Variants in GPR161 observed in about 807,000 individuals in gnomAD.
The protein encoded by GPR161 is G protein-coupled receptor 161.
Under a neutral mutation model 39.2 loss-of-function variants are expected in GPR161, and 25 were observed. The observed-to-expected ratio is 0.64, with a 90% CI of 0.47 to 0.89. The LOEUF (loss-of-function observed/expected upper bound fraction) is 0.89. Ranked by LOEUF, GPR161 falls within the 40% of genes least tolerant of loss-of-function variation. GPR161 has a pLI of 0.00. For missense variants in GPR161, 547 were observed against 677.8 expected (o/e 0.81, Z 2.14); for synonymous variants, 286 against 276.6 (o/e 1.03, Z -0.34).
At chr1:168,119,591 C>T (rs774275876) in intron 1 of GPR161, among the ~76,000 whole-genome samples, 6 of 151,912 alleles carry the variant, frequency 3.9e-5, no homozygotes, top group East Asian at 1.9e-4. Flanking sequence ...GATGGCTGCA[C>T]GACAATATGA....
At chr1:168,136,510 C>T in intron 1 of GPR161, 1 of 1,259,570 alleles carries the variant, frequency 7.9e-7, no homozygotes, top group Non-Finnish European at 1.0e-6. Flanking sequence ...GGCGCGCCCC[C>T]AACATCTTCC....
chr1:168,092,830 T>C (rs1013854813), intron 3 of GPR161, among the ~76,000 whole-genome samples: 10 of 152,172 alleles, frequency 6.6e-5, no homozygotes, highest in African/African-American at 2.4e-4. Flanking sequence ...TGTTTTCCCC[T>C]GGACAAACGT....
intron 1 of GPR161, among the ~76,000 whole-genome samples, chr1:168,124,285 C>G (rs1558135699): frequency 6.6e-6 from 1 of 152,172 alleles, no homozygotes. Context: ...AATGCACTAA[C>G]ACTCAAGCTA....
chr1:168,119,247 T>C (rs572960084), intron 1 of GPR161, among the ~76,000 whole-genome samples: 1,469 of 121,756 alleles, frequency 0.012, 99 homozygotes, highest in Non-Finnish European at 0.019. Flanking sequence ...TATATACACA[T>C]ATATATATAC....
At chr1:168,136,932 A>T, upstream of GPR161, 1 of 965,696 alleles carries the variant, frequency 1.0e-6, no homozygotes, top group Non-Finnish European at 1.2e-6. Flanking sequence ...AGGCCAAGTA[A>T]CTTTGCGGCG....
intron 1 of GPR161, 110 bp from the exon 2 acceptor site, chr1:168,105,004 C>G: frequency 2.7e-6 from 2 of 752,452 alleles, no homozygotes; most frequent in Non-Finnish European, 4.3e-6. Context: ...CTCAGATCAC[C>G]CAGCTAGTAC....
chr1:168,111,964 GA>G (rs34684224), intron 1 of GPR161, among the ~76,000 whole-genome samples: 48,072 of 123,716 alleles, frequency 0.39, 8,007 homozygotes, highest in Admixed American at 0.51. Context: ...CTCTTCAACA[GA>G]AAAAAAAAAA....
chr1:168,107,199 A>T (rs936251350), intron 1 of GPR161, among the ~76,000 whole-genome samples: 1 of 152,190 alleles, frequency 6.6e-6, no homozygotes, highest in African/African-American at 2.4e-5. Context: ...CCTCATCTGT[A>T]AAGAACTAGT....
chr1:168,111,233 T>C (rs1697142368), intron 1 of GPR161, among the ~76,000 whole-genome samples: 1 of 152,130 alleles, frequency 6.6e-6, no homozygotes, highest in South Asian at 2.1e-4. Flanking sequence ...CATTCTCAGT[T>C]TTTTCTTAAC....
chr1:168,099,847 G>C lies in GPR161; in HGVS notation c.375-2615C>G, dbSNP rs907929541. ...TTAAGTTTTTTTTTTGGGGGGGGGG[G>C]GTTGGTGTGGATAAAATGTATGTAC... On this transcript the variant is annotated intron_variant, in intron 2 of 5. Transcript: ENST00000682931. 1.7e-3 allele frequency among the ~76,000 whole-genome samples: 241 copies of C among 141,504 alleles called. 3 individuals are homozygous for C. Among genetic ancestry groups the C allele is most frequent in the Non-Finnish European group, 3.3e-3 (211 of 64,676 alleles). 92.8% of individuals were successfully genotyped at this position (141,504 alleles called of 152,430 possible).
At chr1:168,124,923 G>T (rs182307869) in intron 1 of GPR161, among the ~76,000 whole-genome samples, 2 of 152,104 alleles carry the variant, frequency 1.3e-5, no homozygotes, top group African/African-American at 2.4e-5. Flanking sequence ...AGATGCTGGC[G>T]CCATGACTCT....
chr1:168,135,073 G>T (rs1287485195), intron 1 of GPR161: 1 of 1,472,224 alleles, frequency 6.8e-7, no homozygotes, highest in African/African-American at 1.4e-5. Context: ...TATCGTTGCG[G>T]CCTTGGATTA....
chr1:168,094,377 A>T (rs771578102), intron 3 of GPR161, among the ~76,000 whole-genome samples: 1 of 152,186 alleles, frequency 6.6e-6, no homozygotes, highest in Non-Finnish European at 1.5e-5. Flanking sequence ...ATCACAGGTC[A>T]TATGTGAAAA....
At chr1:168,087,868 T>C in intron 4 of GPR161, 164 bp from the exon 5 acceptor site, 1 of 626,672 alleles carries the variant, frequency 1.6e-6, no homozygotes, top group South Asian at 2.2e-5. Context: ...CACCCGCCTG[T>C]CATCCTGTTT....
chr1:168,087,088 GAT>G (rs1694581010), intron 5 of GPR161, among the ~76,000 whole-genome samples: 1 of 152,148 alleles, frequency 6.6e-6, no homozygotes, highest in African/African-American at 2.4e-5. Context: ...GAGCGGGGAA[GAT>G]ATAGAGTAGA....
At chr1:168,137,410 G>T, upstream of GPR161, 1 of 1,534,758 alleles carries the variant, frequency 6.5e-7, no homozygotes. Flanking sequence ...TCCAGCCGAC[G>T]GGCACGAGCA....
chr1:168,096,698 C>G lies in GPR161; in HGVS notation c.909G>C (p.Pro303=). The change falls in exon 3 of 6, where the codon CCG becomes CCC. Residue 303 remains proline, a synonymous_variant. Transcript: ENST00000682931. ...EALWGKSSVS[P]SLETWATWLS... ...GCCATGTGGCCCAAGTCTCCAGGCTCGGGGAGACGGAGCTTTTCCCCCAGA... is the reference window on the plus strand; with the variant it reads ...GCCATGTGGCCCAAGTCTCCAGGCTGGGGGAGACGGAGCTTTTCCCCCAGA... 1 of 1,614,088 alleles carries G rather than the reference C, an allele frequency of 6.2e-7. No homozygotes were observed. Among genetic ancestry groups the G allele is most frequent in the Non-Finnish European group, 8.5e-7 (1 of 1,180,008 alleles).
chr1:168,104,560 T>C lies in GPR161; in HGVS notation c.291A>G (p.Val97=), dbSNP rs528119184. Residue 97 remains valine (V), a synonymous_variant, in exon 2 of 6, where the codon GTA becomes GTG. Transcript: ENST00000682931. ...SSIRREWIFG[V]VWCNFSALLY... is the part of the protein sequence containing the mutation. Reference sequence around the variant, plus strand: ...GGAGGGCAGAGAAGTTGCACCACACTACACCAAAGATCCATTCCCTGCGGA... The same window carrying C: ...GGAGGGCAGAGAAGTTGCACCACACCACACCAAAGATCCATTCCCTGCGGA... 2.1e-5 allele frequency: 34 copies of C among 1,613,924 alleles called. No homozygotes were observed. The Admixed American group carries it at 2.3e-4, about 11-fold the overall frequency.
intron 1 of GPR161, among the ~76,000 whole-genome samples, chr1:168,124,689 T>C (rs1004860423): frequency 5.9e-5 from 9 of 152,218 alleles, no homozygotes; most frequent in African/African-American, 2.2e-4. Context: ...GTTTGGATAT[T>C]TGTTCCCTCT....
Sources: allele counts gnomAD v4.1 joint callset (sites outside exome capture counted in the v4.1 genomes callset), GRCh38; gene constraint gnomAD v4.1.1; transcripts MANE v1.5; gene names NCBI Gene and HGNC (gene_info 2026-07-23, HGNC 2026-07-21).